MNS1: variants seen among roughly 807,000 people sequenced by gnomAD.
MNS1 encodes the protein meiosis specific nuclear structural 1.
A neutral mutation model predicts 72.0 loss-of-function variants in MNS1; 63 were observed. The observed-to-expected ratio is 0.87, with a 90% CI of 0.71 to 1.08. MNS1 has a LOEUF of 1.08. MNS1 is among the 50% of genes least tolerant of loss of function. MNS1 has a pLI of 0.00. For synonymous variants in MNS1, 188 were observed against 172.1 expected (o/e 1.09, Z -0.72); for missense variants, 604 against 562.4 (o/e 1.07, Z -0.75).
chr15:56,442,788 A>G (rs1230137957), intron 7 of MNS1, among the ~76,000 whole-genome samples: 1 of 152,106 alleles, frequency 6.6e-6, no homozygotes, highest in Non-Finnish European at 1.5e-5. Context: ...ATCGAGTACT[A>G]TGCTCATTAC....
intron 3 of MNS1, among the ~76,000 whole-genome samples, chr15:56,452,411 T>C (rs1374835802): frequency 3.3e-5 from 5 of 152,190 alleles, no homozygotes; most frequent in Non-Finnish European, 7.3e-5. Flanking sequence ...TCTGGGTTCT[T>C]ATTGGGGGTG....
chr15:56,442,910 G>GA (rs879742910), intron 7 of MNS1, among the ~76,000 whole-genome samples: 1,845 of 140,358 alleles, frequency 0.013, 36 homozygotes, highest in African/African-American at 0.044. Context: ...AAGAGAAAAA[G>GA]AAAAAAAAAA....
intron 4 of MNS1, chr15:56,445,533 A>G (rs1243770100): frequency 6.6e-6 from 1 of 152,012 alleles, no homozygotes; most frequent in Non-Finnish European, 1.5e-5. Flanking sequence ...TACTCTGATA[A>G]TATGACTTGA....
chr15:56,436,459 G>C (rs2050726426), intron 7 of MNS1, among the ~76,000 whole-genome samples: 1 of 152,184 alleles, frequency 6.6e-6, no homozygotes, highest in South Asian at 2.1e-4. Context: ...TTAAAGCAGT[G>C]TGTAGAGGGA....
Position 56,446,950 on chromosome 15 carries a change from A to G in MNS1, c.354-7T>C. The G allele has an allele frequency of 1.3e-6, 2 of 1,584,124 alleles. No individual in the cohort carries two copies. Among genetic ancestry groups the G allele is most frequent in the Non-Finnish European group, 1.7e-6 (2 of 1,160,428 alleles). On this transcript the variant is annotated splice_polypyrimidine_tract_variant and splice_region_variant and intron_variant, in intron 3 of 9. Coordinates refer to ENST00000260453, the MANE Select transcript of MNS1 (RefSeq NM_018365.4). The stretch of plus-strand genomic sequence containing the variant: ...CAATTCTCTAAGCTCAATGCTGTTT[A>G]AAAAAACAAAAACAAATTTAAATGT...
At position 56,428,989 on chromosome 15, in the gene MNS1, A is replaced by G; in HGVS notation, c.*112T>C. 1.7e-6 allele frequency: 1 copy of G among 590,422 alleles called. No individual in the cohort carries two copies. The highest frequency in any genetic ancestry group is 3.8e-5 in the Admixed American group (1 of 26,492). 36.6% of individuals were successfully genotyped at this position (590,422 alleles called of 1,614,324 possible). A position where few individuals can be genotyped will look rare whatever the true frequency, so the allele number is the denominator to read the frequency against. On this transcript the variant is annotated 3_prime_UTR_variant, in exon 10 of 10. Transcript: ENST00000260453. ...GTTATGAAATTCAGTGATGATTTAC[A>G]AAATCCAAACAGACAATGGATACCT...
At position 56,443,832 on chromosome 15, in the gene MNS1, T is replaced by G; in HGVS notation, c.709A>C (p.Lys237Gln). 4 of 1,602,480 alleles carry G rather than the reference T, an allele frequency of 2.5e-6. No individual in the cohort carries two copies. The highest frequency in any genetic ancestry group is 3.4e-6 in the Non-Finnish European group (4 of 1,176,274). ...DQLEKQQKLE[K>Q]MNAMRRYIEE... ...ATATACCTTCGCATTGCATTCATTTTTTCTAACTTTTGTTGTTTTTCCCTG... is the reference window on the plus strand; with the variant it reads ...ATATACCTTCGCATTGCATTCATTTGTTCTAACTTTTGTTGTTTTTCCCTG... The change falls in exon 6 of 10, where the codon AAA (lysine) becomes CAA (glutamine). Residue 237 changes from lysine to glutamine, a missense_variant. Coordinates refer to ENST00000260453, the MANE Select transcript of MNS1 (RefSeq NM_018365.4).
intron 7 of MNS1, among the ~76,000 whole-genome samples, chr15:56,439,618 A>G (rs2050784951): frequency 2.6e-5 from 4 of 152,154 alleles, no homozygotes; most frequent in Admixed American, 2.6e-4. Flanking sequence ...AATGTTGGAG[A>G]AACAGCCATT....
chr15:56,444,395 A>G (rs2050871572), intron 5 of MNS1, 49 bp downstream of exon 5: 3 of 1,491,910 alleles, frequency 2.0e-6, no homozygotes, highest in South Asian at 2.5e-5. Flanking sequence ...AACCTGTGAT[A>G]TATCTAAAGT....
At chr15:56,448,784 C>T (rs1483130577) in intron 3 of MNS1, among the ~76,000 whole-genome samples, 1 of 136,982 alleles carries the variant, frequency 7.3e-6, no homozygotes, top group Non-Finnish European at 1.5e-5. Context: ...GACGGAGTCT[C>T]GCTCTGTCAT....
intron 3 of MNS1, among the ~76,000 whole-genome samples, chr15:56,454,060 A>G (rs1296006288): frequency 6.8e-6 from 1 of 148,080 alleles, no homozygotes; most frequent in African/African-American, 2.5e-5. Flanking sequence ...AAATAAAAAC[A>G]CTCTTAGCAA....
chr15:56,429,206 T>C lies in MNS1; in HGVS notation c.1396-13A>G, dbSNP rs766600202. On this transcript the variant is annotated splice_polypyrimidine_tract_variant and intron_variant, in intron 9 of 9. Transcript: ENST00000260453. ...TTTTAAATACTCCCTACGAGAAAAA[T>C]ACTTTGTGGGTTACTTTTGAATACC... 1 of 1,543,364 alleles carries C rather than the reference T, an allele frequency of 6.5e-7. No homozygotes were observed. The highest frequency in any genetic ancestry group is 1.2e-5 in the South Asian group (1 of 85,004).
rs775369614 is a variant in MNS1 at position 56,429,192 on chromosome 15, C to T, written c.1397G>A (p.Gly466Glu). The stretch of plus-strand genomic sequence containing the variant: ...AATATCATCCTCTTTTTTAAATACT[C>T]CCTACGAGAAAAATACTTTGTGGGT... Reference protein sequence around the residue: ...ATNLLGYLPKGVFKKEDDIDL... With the variant: ...ATNLLGYLPKEVFKKEDDIDL... Residue 466 changes from glycine (G) to glutamate (E), a missense_variant and splice_region_variant, in exon 10 of 10, where the codon GGA becomes GAA. By Grantham distance (98) the Gly-to-Glu change is moderately conservative (BLOSUM62 -2). Transcript: ENST00000260453. 3 of 1,578,726 alleles carry T rather than the reference C, an allele frequency of 1.9e-6. No homozygotes were observed. The highest frequency in any genetic ancestry group is 2.3e-5 in the South Asian group (2 of 85,980).
chr15:56,433,224 G>A (rs1198769226), intron 8 of MNS1, among the ~76,000 whole-genome samples: 4 of 142,378 alleles, frequency 2.8e-5, no homozygotes, highest in East Asian at 2.3e-4. Context: ...TGGACACAGG[G>A]AGAGGAACAT....
At chr15:56,461,280 G>A (rs1381698985) in intron 2 of MNS1, among the ~76,000 whole-genome samples, 1 of 151,328 alleles carries the variant, frequency 6.6e-6, no homozygotes, top group Non-Finnish European at 1.5e-5. Flanking sequence ...GCCCAGTCAA[G>A]TTGACACATA....
chr15:56,446,035 T>C (rs2050899289), intron 4 of MNS1: 2 of 152,020 alleles, frequency 1.3e-5, no homozygotes, highest in Admixed American at 1.3e-4. Context: ...ACTAACACAA[T>C]TGTACACACG....
At chr15:56,447,160 A>T (rs1404386087) in intron 3 of MNS1, 3 of 410,284 alleles carry the variant, frequency 7.3e-6, no homozygotes, top group African/African-American at 6.0e-5. Context: ...CTGTTCTATT[A>T]CATTCATCTG....
chr15:56,454,383 A>G (rs2050967848), intron 3 of MNS1, among the ~76,000 whole-genome samples: 1 of 142,286 alleles, frequency 7.0e-6, no homozygotes, highest in African/African-American at 2.6e-5. Flanking sequence ...TTATTTTTAA[A>G]TGTCCAGTGA....
intron 3 of MNS1, among the ~76,000 whole-genome samples, chr15:56,454,447 C>G (rs938144236): frequency 2.0e-5 from 3 of 152,100 alleles, no homozygotes; most frequent in Non-Finnish European, 4.4e-5. Flanking sequence ...AGGTCCTACT[C>G]ATTCATTCTA....
Sources: gnomAD v4.1 joint callset for allele counts (sites outside exome capture counted in the v4.1 genomes callset) on GRCh38, gnomAD v4.1.1 for gene constraint, MANE v1.5 for transcripts, NCBI Gene and HGNC (gene_info 2026-07-23, HGNC 2026-07-21) for gene names.